CLIP1: variants seen among roughly 807,000 people sequenced by gnomAD.
CLIP1 encodes the protein CAP-Gly domain containing linker protein 1.
A neutral mutation model predicts 161.6 loss-of-function variants in CLIP1; 66 were observed. The observed-to-expected ratio is 0.41, with a 90% CI of 0.33 to 0.50. CLIP1 has a LOEUF of 0.50. Ranked by LOEUF, CLIP1 falls within the 20% of genes least tolerant of loss-of-function variation. The pLI is 0.27. For synonymous variants in CLIP1, 598 were observed against 626.2 expected (o/e 0.96, Z 0.67); for missense variants, 1,376 against 1,702.0 (o/e 0.81, Z 3.37).
chr12:122,408,980 C>G (rs1402399515), intron 1 of CLIP1, among the ~76,000 whole-genome samples: 1 of 151,778 alleles, frequency 6.6e-6, no homozygotes, highest in Non-Finnish European at 1.5e-5. Context: ...CCCGGCTAAT[C>G]TTTATATTTT....
In CLIP1 at chr12:122,327,941, A is replaced by G. The variant is rs775142401; in HGVS notation, c.3249+6T>C. The G allele has an allele frequency of 6.2e-7, 1 of 1,613,670 alleles. No individual in the cohort carries two copies. Among genetic ancestry groups the G allele is most frequent in the East Asian group, 2.2e-5 (1 of 44,870 alleles). ...CAACACAAGGAAATTCTCTCGCGTCACGTACTTTGGCTTTGTCGGCTTGCT... is the reference window on the plus strand; with the variant it reads ...CAACACAAGGAAATTCTCTCGCGTCGCGTACTTTGGCTTTGTCGGCTTGCT... On this transcript the variant is annotated splice_donor_region_variant and intron_variant, in intron 17 of 25. Coordinates refer to ENST00000620786, the MANE Select transcript of CLIP1 (RefSeq NM_001247997.2).
chr12:122,357,093 C>T (rs1209553633), intron 5 of CLIP1, among the ~76,000 whole-genome samples: 1 of 152,188 alleles, frequency 6.6e-6, no homozygotes, highest in African/African-American at 2.4e-5. Context: ...CTCTGCCTGG[C>T]TGCCCAGTCT....
chr12:122,313,719 AAAC>A (rs1351481091), intron 19 of CLIP1, among the ~76,000 whole-genome samples: 21 of 152,072 alleles, frequency 1.4e-4, no homozygotes, highest in Admixed American at 1.3e-3. Flanking sequence ...CTCCATTTCA[AAAC>A]AACAACAACA....
Position 122,390,243 on chromosome 12 carries a change from T to C in CLIP1, c.-106-9685A>G, listed in dbSNP as rs1225328340. On this transcript the variant is annotated intron_variant, in intron 1 of 25. Coordinates refer to ENST00000620786, the MANE Select transcript of CLIP1 (RefSeq NM_001247997.2). ...ATATACACACATATATACACACACA[T>C]ATATATACACATATATACACACACA... 7.3e-5 allele frequency among the ~76,000 whole-genome samples: 9 copies of C among 122,812 alleles called. No individual in the cohort carries two copies. The East Asian group carries it at 8.6e-4, about 12-fold the overall frequency. The allele number at this position is 122,812 out of a possible 152,430, so 80.6% of individuals were successfully genotyped here.
At position 122,404,334 on chromosome 12, in the gene CLIP1, C is replaced by T. The variant is rs529442754; in HGVS notation, c.-107+18187G>A. Reference sequence around the variant, plus strand: ...AGAATAGGCCGGGTGCAGTGGCTGACGCCTGTAATCCCAGTACTTTGGGAG... The same window carrying T: ...AGAATAGGCCGGGTGCAGTGGCTGATGCCTGTAATCCCAGTACTTTGGGAG... On this transcript the variant is annotated intron_variant, in intron 1 of 25. Transcript: ENST00000620786. Among the ~76,000 whole-genome samples the T allele has an allele frequency of 3.9e-5, 6 of 152,304 alleles. No homozygotes were observed. The South Asian group carries it at 8.3e-4, about 21-fold the overall frequency.
chr12:122,361,201 C>A lies in CLIP1; in HGVS notation c.783-20G>T. 2 of 1,562,000 alleles carry A rather than the reference C, an allele frequency of 1.3e-6. No homozygotes were observed. The highest frequency in any genetic ancestry group is 8.7e-7 in the Non-Finnish European group (1 of 1,143,200). ...AAATACCTTTAGAGAACAATAAGAA[C>A]AATAACAAAAAACAACTTAATCACA... On this transcript the variant is annotated intron_variant, in intron 4 of 25. Coordinates refer to ENST00000620786, the MANE Select transcript of CLIP1 (RefSeq NM_001247997.2).
chr12:122,342,507 A>G (rs1952552351), intron 10 of CLIP1: 1 of 152,150 alleles, frequency 6.6e-6, no homozygotes, highest in Non-Finnish European at 1.5e-5. Flanking sequence ...TACACATCAG[A>G]TTTTGAAGAC....
At position 122,390,267 on chromosome 12, in the gene CLIP1, C is replaced by CATATATACAT. The variant is rs1555280613; in HGVS notation, c.-106-9710_-106-9709insATGTATATAT. On this transcript the variant is annotated intron_variant, in intron 1 of 25. Coordinates refer to ENST00000620786, the MANE Select transcript of CLIP1 (RefSeq NM_001247997.2). ...ATATATATACACATATATACACACA[C>CATATATACAT]ATATATATATACATATATATATATA... 1.2e-3 allele frequency among the ~76,000 whole-genome samples: 88 copies of CATATATACAT among 71,300 alleles called. 1 individual carries two copies. Among genetic ancestry groups the CATATATACAT allele is most frequent in the Middle Eastern group, 7.2e-3 (1 of 138 alleles). 46.8% of individuals were successfully genotyped at this position (71,300 alleles called of 152,430 possible). A position where few individuals can be genotyped will look rare whatever the true frequency, so the allele number is the denominator to read the frequency against.
chr12:122,288,474 A>G lies in CLIP1; in HGVS notation c.3647+15T>C. 1 of 1,601,146 alleles carries G rather than the reference A, an allele frequency of 6.2e-7. No individual in the cohort carries two copies. Among genetic ancestry groups the G allele is most frequent in the Non-Finnish European group, 8.5e-7 (1 of 1,174,872 alleles). ...ATTAAACACACACACATACAACAAT[A>G]AACAGAAAGCTTACCTTTTTTTCAT... On this transcript the variant is annotated intron_variant, in intron 21 of 25. Transcript: ENST00000620786.
chr12:122,310,550 G>A (rs934129654), intron 19 of CLIP1, among the ~76,000 whole-genome samples: 2 of 152,106 alleles, frequency 1.3e-5, no homozygotes, highest in Non-Finnish European at 2.9e-5. Context: ...AACTTATACC[G>A]TGAATATCAG....
chr12:122,288,808 CTT>C (rs200069106), intron 20 of CLIP1, among the ~76,000 whole-genome samples: 155 of 114,434 alleles, frequency 1.4e-3, no homozygotes, highest in African/African-American at 5.5e-3. Flanking sequence ...CGAAGCACAT[CTT>C]TTTTTTTTTT....
At chr12:122,378,286 C>T (rs1312253152) in intron 2 of CLIP1, among the ~76,000 whole-genome samples, 1 of 152,110 alleles carries the variant, frequency 6.6e-6, no homozygotes, top group Non-Finnish European at 1.5e-5. Flanking sequence ...GGGGTCTCAC[C>T]ACGTTGGCCA....
At chr12:122,338,315 T>A (rs1420477940) in intron 11 of CLIP1, among the ~76,000 whole-genome samples, 1 of 151,968 alleles carries the variant, frequency 6.6e-6, no homozygotes, top group South Asian at 2.1e-4. Context: ...TCTTAAAAAA[T>A]AAATAAATAA....
chr12:122,411,732 A>G (rs1956541639), intron 1 of CLIP1, among the ~76,000 whole-genome samples: 1 of 152,160 alleles, frequency 6.6e-6, no homozygotes, highest in Non-Finnish European at 1.5e-5. Flanking sequence ...CCAGGCTGGC[A>G]TCAAACTCCT....
intron 1 of CLIP1, among the ~76,000 whole-genome samples, chr12:122,380,843 A>C (rs750710124): frequency 2.0e-5 from 3 of 152,116 alleles, no homozygotes; most frequent in Admixed American, 6.6e-5. Flanking sequence ...GGACTGTTTG[A>C]GGCCAGGAGT....
chr12:122,380,102 G>A (rs1954943164), intron 2 of CLIP1, among the ~76,000 whole-genome samples: 1 of 151,714 alleles, frequency 6.6e-6, no homozygotes, highest in Non-Finnish European at 1.5e-5. Context: ...AATTAGCTGA[G>A]CGTGGTAGTA....
At position 122,334,683 on chromosome 12, in the gene CLIP1, G is replaced by A; in HGVS notation, c.2591C>T (p.Ser864Leu). 1 of 1,586,182 alleles carries A rather than the reference G, an allele frequency of 6.3e-7. No homozygotes were observed. Among genetic ancestry groups the A allele is most frequent in the Non-Finnish European group, 8.6e-7 (1 of 1,163,316 alleles). The change falls in exon 13 of 26, where the codon TCA becomes TTA. Residue 864 changes from serine (S) to leucine (L), a missense_variant. Transcript: ENST00000620786. ...TCTCTGAACAGAGACTGCCTCCTCTGAAGCTTCAGCAAACTTTTCTTTCTA... is the reference window on the plus strand; with the variant it reads ...TCTCTGAACAGAGACTGCCTCCTCTAAAGCTTCAGCAAACTTTTCTTTCTA... Reference protein sequence around the residue: ...QILKEKFAEASEEAVSVQRSM... With the variant: ...QILKEKFAEALEEAVSVQRSM...
chr12:122,380,596 C>T, intron 1 of CLIP1, 38 bp from the exon 2 acceptor site: 1 of 500,106 alleles, frequency 2.0e-6, no homozygotes, highest in Admixed American at 3.7e-5. Flanking sequence ...TTATAATCTA[C>T]AGGAGCAAGT....
Position 122,316,824 on chromosome 12 carries a change from T to A in CLIP1, c.3398A>T (p.Asn1133Ile), listed in dbSNP as rs775803574. 1 of 1,588,464 alleles carries A rather than the reference T, an allele frequency of 6.3e-7. No individual in the cohort carries two copies. The highest frequency in any genetic ancestry group is 2.3e-5 in the East Asian group (1 of 44,390). The change falls in exon 19 of 26, where the codon AAT becomes ATT. Residue 1133 changes from asparagine (N) to isoleucine (I), a missense_variant. Coordinates refer to ENST00000620786, the MANE Select transcript of CLIP1 (RefSeq NM_001247997.2). ...LDTLKENNLK[N>I]VEELNKSKEL... The stretch of plus-strand genomic sequence containing the variant: ...TTTTGATTTGTTCAGCTCTTCCACA[T>A]TTTTCAAGTTGTTTTCTTTAAGTGT...
Sources: gnomAD v4.1 joint callset for allele counts (sites outside exome capture counted in the v4.1 genomes callset) on GRCh38, gnomAD v4.1.1 for gene constraint, MANE v1.5 for transcripts, NCBI Gene and HGNC (gene_info 2026-07-23, HGNC 2026-07-21) for gene names.